The following ZNF234 variants were observed in gnomAD, a reference collection of about 807,000 sequenced individuals.
ZNF234 encodes the protein zinc finger protein 234.
Under a neutral mutation model 10.3 loss-of-function variants are expected in ZNF234, and 4 were observed. The observed-to-expected ratio is 0.39, with a 90% CI of 0.19 to 0.89. The LOEUF is 0.89. Among genes scored for constraint, ZNF234 ranks in the 40% least tolerant of loss-of-function variants. The pLI is 0.38. For synonymous variants in ZNF234, 258 were observed against 280.1 expected (o/e 0.92, Z 0.79); for missense variants, 711 against 836.1 (o/e 0.85, Z 1.85).
intron 5 of ZNF234, among the ~76,000 whole-genome samples, chr19:44,155,494 G>A (rs1232475006): frequency 6.6e-6 from 1 of 152,152 alleles, no homozygotes; most frequent in Non-Finnish European, 1.5e-5. Flanking sequence ...AAGAGAAAAT[G>A]TTATTAAGAA....
At chr19:44,148,714 T>C (rs368959493) in intron 3 of ZNF234, 57 bp from the exon 4 acceptor site, 18 of 1,607,728 alleles carry the variant, frequency 1.1e-5, no homozygotes, top group Non-Finnish European at 1.5e-5. Flanking sequence ...TTCTCAGTGC[T>C]GTTTCTTTTC....
chr19:44,154,642 T>C (rs1968834929), intron 5 of ZNF234, among the ~76,000 whole-genome samples: 1 of 147,570 alleles, frequency 6.8e-6, no homozygotes, highest in South Asian at 2.1e-4. Flanking sequence ...TTTTTTTTTT[T>C]TTTTTTTTGA....
At position 44,156,237 on chromosome 19, in the gene ZNF234, T is replaced by G. The variant is rs1207858506; in HGVS notation, c.236-15T>G. ...TAACAGAGCCTCCACATCTCTGAAT[T>G]CTCTGTCCTTACAGCAGACAAGATC... On this transcript the variant is annotated splice_polypyrimidine_tract_variant and intron_variant, in intron 5 of 5. Transcript: ENST00000426739. 1 of 1,528,518 alleles carries G rather than the reference T, an allele frequency of 6.5e-7. No individual in the cohort carries two copies. Among genetic ancestry groups the G allele is most frequent in the African/African-American group, 1.4e-5 (1 of 71,872 alleles). 94.7% of individuals were successfully genotyped at this position (1,528,518 alleles called of 1,614,324 possible).
At chr19:44,155,178 A>C (rs1968846710) in intron 5 of ZNF234, among the ~76,000 whole-genome samples, 1 of 152,236 alleles carries the variant, frequency 6.6e-6, no homozygotes, top group Non-Finnish European at 1.5e-5. Flanking sequence ...TCAAGAGTTT[A>C]TAATAGTTGT....
chr19:44,142,831 A>C (rs151337772), intron 2 of ZNF234, among the ~76,000 whole-genome samples: 70 of 152,346 alleles, frequency 4.6e-4, no homozygotes, highest in African/African-American at 1.6e-3. Flanking sequence ...ACGAAGATAC[A>C]AAAATTGTAA....
chr19:44,143,808 G>C (rs1968527963), intron 2 of ZNF234, among the ~76,000 whole-genome samples: 1 of 151,996 alleles, frequency 6.6e-6, no homozygotes, highest in African/African-American at 2.4e-5. Context: ...GCAAAACTCT[G>C]TCTCAAATAA....
intron 5 of ZNF234, among the ~76,000 whole-genome samples, chr19:44,155,441 T>G (rs1968854318): frequency 6.6e-6 from 1 of 152,224 alleles, no homozygotes; most frequent in South Asian, 2.1e-4. Context: ...GTATACTATA[T>G]TCTTACAATA....
At chr19:44,145,475 C>G (rs1028222054) in intron 3 of ZNF234, among the ~76,000 whole-genome samples, 3 of 152,190 alleles carry the variant, frequency 2.0e-5, no homozygotes, top group Non-Finnish European at 4.4e-5. Context: ...TCACCACAAC[C>G]TCTGCCTTCT....
intron 3 of ZNF234, among the ~76,000 whole-genome samples, chr19:44,146,627 A>G (rs1968601314): frequency 6.6e-6 from 1 of 152,182 alleles, no homozygotes; most frequent in African/African-American, 2.4e-5. Flanking sequence ...AAAAATATTT[A>G]CCACACAGGT....
chr19:44,156,141 C>T, intron 5 of ZNF234, 111 bp from the exon 6 acceptor site: 2 of 975,438 alleles, frequency 2.1e-6, no homozygotes, highest in South Asian at 1.7e-5. Flanking sequence ...AAGACCATTA[C>T]ACAAACTGGA....
In ZNF234 at chr19:44,158,517, T is replaced by C. The variant is rs565924705; in HGVS notation, c.*398T>C. The C allele has an allele frequency of 8.5e-4, 219 of 258,410 alleles. 1 individual carries two copies. The highest frequency in any genetic ancestry group is 1.6e-3 in the Non-Finnish European group (204 of 131,496). The allele number at this position is 258,410 out of a possible 1,614,324, so 16.0% of individuals were successfully genotyped here. A position where few individuals can be genotyped will look rare whatever the true frequency, so the allele number is the denominator to read the frequency against. ...CCTCGGCCTCCCAAAGTGCTGGGATTACAGGCATGAGCCACCGCCCCTGGC... is the reference window on the plus strand; with the variant it reads ...CCTCGGCCTCCCAAAGTGCTGGGATCACAGGCATGAGCCACCGCCCCTGGC... On this transcript the variant is annotated 3_prime_UTR_variant, in exon 6 of 6. Transcript: ENST00000426739.
In ZNF234 at chr19:44,159,684, C is replaced by A; in HGVS notation, c.*1565C>A. The A allele has an allele frequency of 2.3e-6, 1 of 437,948 alleles. No individual in the cohort carries two copies. Among genetic ancestry groups the A allele is most frequent in the East Asian group, 6.6e-5 (1 of 15,224 alleles). The allele number at this position is 437,948 out of a possible 1,614,324, so 27.1% of individuals were successfully genotyped here. A position where few individuals can be genotyped will look rare whatever the true frequency, so the allele number is the denominator to read the frequency against. On this transcript the variant is annotated 3_prime_UTR_variant, in exon 6 of 6. Coordinates refer to ENST00000426739, the MANE Select transcript of ZNF234 (RefSeq NM_006630.3). The stretch of plus-strand genomic sequence containing the variant: ...TGAATTTATTTGATTTCTGACTTTC[C>A]ACATTTCCATCCAGACTTTGACATG...
In ZNF234 at chr19:44,157,480, G is replaced by T. The variant is rs745439273; in HGVS notation, c.1464G>T (p.Glu488Asp). The change falls in exon 6 of 6, where the codon GAG becomes GAT. Residue 488 changes from glutamate (E) to aspartate (D), a missense_variant. Glu to Asp is a conservative substitution (Grantham distance 45). Transcript: ENST00000426739. ...HTGEKPYKCEECGKGFSRRAD... is the reference protein window; with the variant it reads ...HTGEKPYKCEDCGKGFSRRAD... ...GTGAGAAACCATACAAATGTGAAGAGTGCGGAAAGGGATTTAGTCGTAGAG... is the reference window on the plus strand; with the variant it reads ...GTGAGAAACCATACAAATGTGAAGATTGCGGAAAGGGATTTAGTCGTAGAG... 16 of 1,613,886 alleles carry T rather than the reference G, an allele frequency of 9.9e-6. No individual in the cohort carries two copies. In the South Asian group the frequency reaches 1.5e-4, roughly 16 times the overall value.
intron 3 of ZNF234, among the ~76,000 whole-genome samples, chr19:44,145,000 A>G (rs1170061637): frequency 6.6e-6 from 1 of 152,172 alleles, no homozygotes; most frequent in Non-Finnish European, 1.5e-5. Flanking sequence ...TGACTGTAGT[A>G]CAAACACTAT....
At chr19:44,148,153 A>G (rs1032764212) in intron 3 of ZNF234, among the ~76,000 whole-genome samples, 4 of 152,232 alleles carry the variant, frequency 2.6e-5, no homozygotes, top group Non-Finnish European at 4.4e-5. Context: ...TGTAAGAACT[A>G]TCATACCAAG....
intron 3 of ZNF234, among the ~76,000 whole-genome samples, chr19:44,147,217 T>C (rs892112886): frequency 3.9e-5 from 6 of 152,148 alleles, no homozygotes; most frequent in Non-Finnish European, 8.8e-5. Flanking sequence ...TGATGTTTTA[T>C]TTTTTATTTG....
chr19:44,150,599 A>T, intron 5 of ZNF234, 94 bp downstream of exon 5: 1 of 1,008,732 alleles, frequency 9.9e-7, no homozygotes, highest in Non-Finnish European at 1.5e-6. Context: ...CAAATTGCCA[A>T]ACCTCTGTCC....
chr19:44,145,027 GA>G (rs1968556696), intron 3 of ZNF234, among the ~76,000 whole-genome samples: 1 of 152,168 alleles, frequency 6.6e-6, no homozygotes, highest in South Asian at 2.1e-4. Flanking sequence ...TAAGGGACTT[GA>G]GCATCCACAA....
Position 44,156,320 on chromosome 19 carries a change from C to A in ZNF234, c.304C>A (p.Gln102Lys), listed in dbSNP as rs866155132. The change falls in exon 6 of 6, where the codon CAA becomes AAA. Residue 102 changes from glutamine (Q) to lysine (K), a missense_variant. Physicochemically the swap from Gln to Lys is moderately conservative, Grantham distance 53. Transcript: ENST00000426739. Reference sequence around the variant, plus strand: ...ACGACATGAAGAGCTTTACTGGGGGCAAATCTGGAAACAGATTGCAAGTGA... The same window carrying A: ...ACGACATGAAGAGCTTTACTGGGGGAAAATCTGGAAACAGATTGCAAGTGA... Reference protein sequence around the residue: ...AGRHEELYWGQIWKQIASDLI... With the variant: ...AGRHEELYWGKIWKQIASDLI... 6.2e-7 allele frequency: 1 copy of A among 1,604,256 alleles called. No homozygotes were observed. Among genetic ancestry groups the A allele is most frequent in the East Asian group, 2.2e-5 (1 of 44,846 alleles).
Sources: allele counts gnomAD v4.1 joint callset (sites outside exome capture counted in the v4.1 genomes callset), GRCh38; gene constraint gnomAD v4.1.1; transcripts MANE v1.5; gene names NCBI Gene and HGNC (gene_info 2026-07-23, HGNC 2026-07-21).